The following PRKD1 variants were observed in gnomAD, a reference collection of about 807,000 sequenced individuals.
The protein encoded by PRKD1 is protein kinase D1.
In PRKD1, 63 loss-of-function variants were observed where a neutral mutation model predicts 95.9. That is an observed-to-expected ratio of 0.66 (90% CI 0.54 to 0.81). PRKD1 has a LOEUF of 0.81. Among genes scored for constraint, PRKD1 ranks in the 30% least tolerant of loss-of-function variants. PRKD1 has a pLI of 0.00. For missense variants in PRKD1, 1,048 were observed against 1,165.3 expected, an observed-to-expected ratio of 0.90 and a Z score of 1.47; for synonymous variants, 425 against 423.1, an observed-to-expected ratio of 1.00 and a Z score of -0.05.
chr14:29,752,117 T>C (rs1887503351), intron 1 of PRKD1, among the ~76,000 whole-genome samples: 1 of 152,198 alleles, frequency 6.6e-6, no homozygotes, highest in Non-Finnish European at 1.5e-5. Flanking sequence ...ATAGGTTACC[T>C]ACAGATACAA....
intron 1 of PRKD1, among the ~76,000 whole-genome samples, chr14:29,784,760 A>C (rs574926573): frequency 6.6e-5 from 10 of 152,314 alleles, no homozygotes; most frequent in South Asian, 2.1e-4. Context: ...TACGGCTACA[A>C]GAAAAAACAC....
At chr14:29,661,976 G>A (rs924740928) in intron 4 of PRKD1, among the ~76,000 whole-genome samples, 7 of 152,056 alleles carry the variant, frequency 4.6e-5, no homozygotes, top group East Asian at 1.9e-4. Context: ...TTTATGTAAC[G>A]TATCAAATAA....
chr14:29,686,157 T>G (rs751991986), intron 2 of PRKD1, among the ~76,000 whole-genome samples: 13 of 152,190 alleles, frequency 8.5e-5, no homozygotes, highest in Non-Finnish European at 1.8e-4. Context: ...GCTTGAAACC[T>G]CTCTTTGCCT....
At chr14:29,772,906 A>G (rs925981102) in intron 1 of PRKD1, among the ~76,000 whole-genome samples, 2 of 152,166 alleles carry the variant, frequency 1.3e-5, no homozygotes, top group East Asian at 3.9e-4. Context: ...ATTTTATTCC[A>G]CAGAAATCTG....
At chr14:29,638,610 A>T in intron 5 of PRKD1, 44 bp from the exon 6 acceptor site, 1 of 1,612,982 alleles carries the variant, frequency 6.2e-7, no homozygotes, top group Non-Finnish European at 8.5e-7. Context: ...AGAATTTGTC[A>T]TAAAGAAAAG....
chr14:29,827,315 T>C (rs953866159), intron 1 of PRKD1, among the ~76,000 whole-genome samples: 1 of 152,088 alleles, frequency 6.6e-6, no homozygotes, highest in Non-Finnish European at 1.5e-5. Context: ...CATGAAATCC[T>C]AAGAATTCAG....
At chr14:29,894,457 G>A (rs1894049221) in intron 1 of PRKD1, among the ~76,000 whole-genome samples, 1 of 152,218 alleles carries the variant, frequency 6.6e-6, no homozygotes, top group South Asian at 2.1e-4. Context: ...ACAGAGTAAA[G>A]AAAGGCAGAT....
intron 1 of PRKD1, among the ~76,000 whole-genome samples, chr14:29,898,991 A>T (rs1894226246): frequency 6.6e-6 from 1 of 152,196 alleles, no homozygotes; most frequent in Non-Finnish European, 1.5e-5. Flanking sequence ...TGATCACTGA[A>T]GTTTAATTGA....
chr14:29,801,827 C>T (rs1959436), intron 1 of PRKD1, among the ~76,000 whole-genome samples: 35,978 of 152,080 alleles, frequency 0.24, 4,585 homozygotes, highest in African/African-American at 0.31. Context: ...TAGCTGGGAT[C>T]ACAGGCATGC....
At chr14:29,636,668 T>C (rs538732079) in intron 6 of PRKD1, among the ~76,000 whole-genome samples, 174 bp from the exon 7 acceptor site, 41 of 152,310 alleles carry the variant, frequency 2.7e-4, no homozygotes, top group African/African-American at 9.9e-4. Flanking sequence ...TATGTGCAGG[T>C]TTATTACATA....
At chr14:29,784,207 C>A (rs1889169699) in intron 1 of PRKD1, among the ~76,000 whole-genome samples, 1 of 151,998 alleles carries the variant, frequency 6.6e-6, no homozygotes, top group South Asian at 2.1e-4. Context: ...TGTTCCAAAG[C>A]ACCATTTATT....
intron 1 of PRKD1, among the ~76,000 whole-genome samples, chr14:29,763,411 AGAAGGGAGGG>A (rs1232935953): frequency 3.9e-5 from 3 of 76,568 alleles, no homozygotes; most frequent in African/African-American, 1.6e-4. Context: ...GGAGGGAGGG[AGAAGGGAGGG>A]GAAGGGAGGG....
chr14:29,777,550 T>C (rs1265179995), intron 1 of PRKD1, among the ~76,000 whole-genome samples: 1 of 151,924 alleles, frequency 6.6e-6, no homozygotes, highest in Non-Finnish European at 1.5e-5. Flanking sequence ...ACAAAGAAGG[T>C]CATTACATAA....
intron 1 of PRKD1, among the ~76,000 whole-genome samples, chr14:29,861,869 G>T (rs1222150276): frequency 6.6e-6 from 1 of 152,090 alleles, no homozygotes; most frequent in Non-Finnish European, 1.5e-5. Flanking sequence ...GGCCAGGCTG[G>T]TCTCAAACTC....
intron 1 of PRKD1, among the ~76,000 whole-genome samples, chr14:29,879,603 C>T (rs1893430826): frequency 6.6e-6 from 1 of 152,046 alleles, no homozygotes; most frequent in South Asian, 2.1e-4. Context: ...TGAAAAGATA[C>T]CCAAATATGT....
At chr14:29,924,972 C>T (rs1895246127) in intron 1 of PRKD1, among the ~76,000 whole-genome samples, 1 of 152,032 alleles carries the variant, frequency 6.6e-6, no homozygotes, top group South Asian at 2.1e-4. Context: ...TGTCCAGAAA[C>T]ACTATCCAGT....
At chr14:29,844,755 G>A (rs1008464408) in intron 1 of PRKD1, among the ~76,000 whole-genome samples, 2 of 152,084 alleles carry the variant, frequency 1.3e-5, no homozygotes, top group Admixed American at 6.5e-5. Context: ...TTGAAAATTC[G>A]AAGTCTGAAG....
At chr14:29,743,459 C>A (rs1178355918) in intron 1 of PRKD1, among the ~76,000 whole-genome samples, 1 of 151,778 alleles carries the variant, frequency 6.6e-6, no homozygotes, top group Non-Finnish European at 1.5e-5. Context: ...CACAGAGAAC[C>A]AAGCAGAGAA....
intron 1 of PRKD1, among the ~76,000 whole-genome samples, chr14:29,787,243 C>CT (rs1889318082): frequency 7.5e-6 from 1 of 133,270 alleles, no homozygotes; most frequent in African/African-American, 2.9e-5. Flanking sequence ...TTTTTGAGGC[C>CT]TAATATATGG....
Sources: gnomAD v4.1 joint callset for allele counts (sites outside exome capture counted in the v4.1 genomes callset) on GRCh38, gnomAD v4.1.1 for gene constraint, MANE v1.5 for transcripts, NCBI Gene and HGNC (gene_info 2026-07-23, HGNC 2026-07-21) for gene names.